FLCN: variants seen among roughly 807,000 people sequenced by gnomAD.
FLCN encodes the protein BHD skin lesion fibrofolliculoma protein.
A neutral mutation model predicts 62.5 loss-of-function variants in FLCN; 22 were observed. The observed-to-expected ratio is 0.35, with a 90% CI of 0.25 to 0.50. FLCN has a LOEUF of 0.50. FLCN is among the 20% of genes least tolerant of loss of function. FLCN has a pLI of 0.97. For synonymous variants in FLCN, 319 were observed against 310.0 expected (o/e 1.03, Z -0.30); for missense variants, 657 against 778.0 (o/e 0.84, Z 1.85).
rs375494101 is a variant in FLCN, at chr17:17,227,850, C to T, written c.249+39G>A. The T allele has an allele frequency of 3.1e-6, 5 of 1,613,710 alleles. No homozygotes were observed. In the African/African-American group the frequency reaches 5.3e-5, roughly 17 times the overall value. On this transcript the variant is annotated intron_variant, in intron 4 of 13. Coordinates refer to ENST00000285071, the MANE Select transcript of FLCN (RefSeq NM_144997.7). ...GGTCCTCCTGTCCATCCCACACCTA[C>T]TGCAGGGATCACAAAACCAAGACCC...
intron 8 of FLCN, chr17:17,219,474 A>C: frequency 2.3e-6 from 1 of 438,188 alleles, no homozygotes; most frequent in East Asian, 4.5e-5. Flanking sequence ...GAAAACTCAA[A>C]TCAGTAAGAA....
intron 4 of FLCN, 64 bp downstream of exon 4, chr17:17,227,825 G>T: frequency 6.2e-7 from 1 of 1,612,564 alleles, no homozygotes; most frequent in South Asian, 1.1e-5. Context: ...ACTGCTCTCA[G>T]GTCCTCCTGT....
At chr17:17,221,325 C>G in intron 8 of FLCN, 2 of 1,557,930 alleles carry the variant, frequency 1.3e-6, no homozygotes, top group Non-Finnish European at 1.7e-6. Context: ...GGAACAGATT[C>G]TTTCACATGG....
At chr17:17,224,169 A>C in intron 5 of FLCN, 26 bp from the exon 6 acceptor site, 1 of 1,552,966 alleles carries the variant, frequency 6.4e-7, no homozygotes, top group South Asian at 1.2e-5. Context: ...CGACTCAGAC[A>C]GCCCTTTCCT....
At chr17:17,217,268 A>C (rs1316077457) in intron 9 of FLCN, 86 bp from the exon 10 acceptor site, 1 of 961,312 alleles carries the variant, frequency 1.0e-6, no homozygotes, top group African/African-American at 1.6e-5. Context: ...TGTGTTCATA[A>C]AACTTTGTAG....
chr17:17,230,600 C>T (rs1240052655), intron 3 of FLCN, among the ~76,000 whole-genome samples: 2 of 151,970 alleles, frequency 1.3e-5, no homozygotes, highest in Non-Finnish European at 2.9e-5. Context: ...TTGGCGGTCA[C>T]CTATAAACCC....
chr17:17,217,716 G>T (rs886740826), intron 9 of FLCN: 2 of 208,772 alleles, frequency 9.6e-6, no homozygotes, highest in African/African-American at 4.7e-5. Context: ...GCTTTTAGTT[G>T]TCACGTCCTT....
rs2046869057 is a variant in FLCN at position 17,215,043 on chromosome 17, T to C, written c.1480A>G (p.Asn494Asp). Residue 494 changes from asparagine to aspartate, a missense_variant, in exon 13 of 14, where the codon AAC becomes GAC. By Grantham distance (23) the Asn-to-Asp change is conservative (BLOSUM62 1). Coordinates refer to ENST00000285071, the MANE Select transcript of FLCN (RefSeq NM_144997.7). ...NKIEAALTNQ[N>D]LSVDVVDQCL... ...TGGTCCACCACATCCACAGACAGGT[T>C]CTGGTTGGTCAGAGCCGCTTCAATC... 6.2e-7 allele frequency: 1 copy of C among 1,614,134 alleles called. No individual in the cohort carries two copies. The highest frequency in any genetic ancestry group is 1.1e-5 in the South Asian group (1 of 91,080).
intron 3 of FLCN, 136 bp from the exon 4 acceptor site, chr17:17,228,297 G>T: frequency 9.3e-7 from 1 of 1,075,238 alleles, no homozygotes; most frequent in Non-Finnish European, 1.3e-6. Flanking sequence ...CAGTTCCCCA[G>T]CCCCCTGCCA....
chr17:17,223,862 C>G, intron 6 of FLCN, 60 bp downstream of exon 6: 1 of 1,574,288 alleles, frequency 6.4e-7, no homozygotes, highest in Non-Finnish European at 8.7e-7. Flanking sequence ...AACCTCAGCA[C>G]AGAGCGGCTC....
chr17:17,227,771 G>A (rs2047296318), intron 4 of FLCN, 118 bp downstream of exon 4: 2 of 1,403,070 alleles, frequency 1.4e-6, no homozygotes, highest in Non-Finnish European at 2.0e-6. Flanking sequence ...AAGAACTGAA[G>A]GGCCCCTGAG....
In FLCN at chr17:17,227,774, C is replaced by T. The variant is rs1597616719; in HGVS notation, c.249+115G>A. 2.8e-6 allele frequency: 4 copies of T among 1,423,822 alleles called. No individual in the cohort carries two copies. The East Asian group carries it at 6.9e-5, about 24-fold the overall frequency. The allele number at this position is 1,423,822 out of a possible 1,614,324, so 88.2% of individuals were successfully genotyped here. On this transcript the variant is annotated intron_variant, in intron 4 of 13. Transcript: ENST00000285071. ...AGGATGAGCGGAAAGAACTGAAGGG[C>T]CCCTGAGAAGCAGTCTGTGTCACCC...
At chr17:17,224,386 C>T in intron 5 of FLCN, 1 of 557,928 alleles carries the variant, frequency 1.8e-6, no homozygotes, top group Non-Finnish European at 3.2e-6. Flanking sequence ...GCTTTTCTTC[C>T]ACCTTGAGCC....
intron 1 of FLCN, among the ~76,000 whole-genome samples, chr17:17,233,402 C>T (rs187197714): frequency 6.6e-6 from 1 of 152,034 alleles, no homozygotes; most frequent in African/African-American, 2.4e-5. Context: ...TCGAGACCAT[C>T]CTGGCTAACA....
chr17:17,227,796 A>G, intron 4 of FLCN, 93 bp downstream of exon 4: 1 of 1,575,476 alleles, frequency 6.3e-7, no homozygotes, highest in Middle Eastern at 2.2e-4. Context: ...AGTCTGTGTC[A>G]CCCCGGGAGG....
At chr17:17,221,069 C>G (rs1301942708) in intron 8 of FLCN, 13 of 1,034,910 alleles carry the variant, frequency 1.3e-5, no homozygotes, top group Non-Finnish European at 1.7e-5. Flanking sequence ...GTGCCACGAT[C>G]CCCAAACACA....
In FLCN at chr17:17,223,949, G is replaced by A. The variant is rs763617124; in HGVS notation, c.591C>T (p.Ile197=). Residue 197 remains isoleucine, a synonymous_variant, in exon 6 of 14, where the codon ATC becomes ATT. Coordinates refer to ENST00000285071, the MANE Select transcript of FLCN (RefSeq NM_144997.7). ...TGAGCGCCTTGCCCTGGAGCTCATC[G>A]ATGATTCCCCGGACCTTCCCCAGCA... ...PFLLGKVRGI[I]DELQGKALKV... The A allele has an allele frequency of 2.5e-5, 40 of 1,613,314 alleles. No individual in the cohort carries two copies. The South Asian group carries it at 3.3e-4, about 13-fold the overall frequency.
At position 17,216,418 on chromosome 17, in the gene FLCN, C is replaced by T. The variant is rs368175757; in HGVS notation, c.1262G>A (p.Ser421Asn). The T allele has an allele frequency of 2.5e-6, 4 of 1,613,700 alleles. No individual in the cohort carries two copies. Among genetic ancestry groups the T allele is most frequent in the Non-Finnish European group, 1.7e-6 (2 of 1,179,858 alleles). ...EAYRCNFLGL[S>N]PHVQIPPHVL... The stretch of plus-strand genomic sequence containing the variant: ...GTGGGGGGGGATCTGCACGTGCGGG[C>T]TGAGCCCCAGGAAGTTGCACCGATA... Residue 421 changes from serine to asparagine, a missense_variant, in exon 11 of 14, where the codon AGC (serine) becomes AAC (asparagine). Physicochemically the swap from Ser to Asn is conservative, Grantham distance 46. Coordinates refer to ENST00000285071, the MANE Select transcript of FLCN (RefSeq NM_144997.7). This position sits in a 1 kb window ranked among gnomAD's most constrained non-coding sequence, Gnocchi z 4.0.
intron 4 of FLCN, 43 bp from the exon 5 acceptor site, chr17:17,226,365 G>A (rs2047250762): frequency 6.2e-7 from 1 of 1,612,936 alleles, no homozygotes; most frequent in Non-Finnish European, 8.5e-7. Context: ...TTGGGAAGCA[G>A]GGCGACAAAC....
Sources: gnomAD v4.1 joint callset for allele counts (sites outside exome capture counted in the v4.1 genomes callset) on GRCh38, gnomAD v4.1.1 for gene constraint, Gnocchi (gnomAD v3.1) non-coding constraint, MANE v1.5 for transcripts, NCBI Gene and HGNC (gene_info 2026-07-23, HGNC 2026-07-21) for gene names.